Variants in PDLIM5 observed in about 807,000 individuals in gnomAD.
The protein encoded by PDLIM5 is PDZ and LIM domain 5, also known as PDZ and LIM domain protein 5.
In PDLIM5, 34 loss-of-function variants were observed where a neutral mutation model predicts 64.2. That is an observed-to-expected ratio of 0.53 (90% CI 0.40 to 0.71). The LOEUF is 0.71. Ranked by LOEUF, PDLIM5 falls within the 30% of genes least tolerant of loss-of-function variation. The pLI is 0.00. For synonymous variants in PDLIM5, 253 were observed against 269.1 expected (o/e 0.94, Z 0.59); for missense variants, 683 against 733.6 (o/e 0.93, Z 0.80).
chr4:94,610,212 C>T, intron 7 of PDLIM5: 2 of 1,521,386 alleles, frequency 1.3e-6, no homozygotes, highest in Non-Finnish European at 1.8e-6. Context: ...GTTTTCGAAA[C>T]TTTTCTACCT....
chr4:94,566,356 T>C (rs1312424437), intron 3 of PDLIM5, among the ~76,000 whole-genome samples: 1 of 152,240 alleles, frequency 6.6e-6, no homozygotes, highest in East Asian at 1.9e-4. Context: ...TGATATTTTC[T>C]TGCTTATCTC....
At chr4:94,552,688 A>G (rs1326877026) in intron 3 of PDLIM5, among the ~76,000 whole-genome samples, 1 of 152,180 alleles carries the variant, frequency 6.6e-6, no homozygotes, top group Non-Finnish European at 1.5e-5. Flanking sequence ...AAGCCCAAAT[A>G]TGACATTTTT....
intron 7 of PDLIM5, chr4:94,587,685 T>C (rs1050355171): frequency 2.0e-6 from 2 of 984,316 alleles, no homozygotes; most frequent in African/African-American, 1.7e-5. Context: ...CAGATTTGGC[T>C]CCTGAAAAAG....
In PDLIM5 at chr4:94,575,481, C is replaced by T. The variant is rs1019332820; in HGVS notation, c.292-135C>T. On this transcript the variant is annotated intron_variant, in intron 4 of 12. Transcript: ENST00000317968. ...TGCTTTATCAGCCCATTGTTTTTAT[C>T]TGGAAACATGATGTTTGAGCTGCTA... The T allele has an allele frequency of 3.0e-5, 19 of 623,064 alleles. No individual in the cohort carries two copies. In the African/African-American group the frequency reaches 3.1e-4, roughly 10 times the overall value. 38.6% of individuals were successfully genotyped at this position (623,064 alleles called of 1,614,324 possible).
intron 2 of PDLIM5, among the ~76,000 whole-genome samples, chr4:94,478,335 G>A (rs922955168): frequency 2.0e-5 from 3 of 151,644 alleles, no homozygotes; most frequent in Middle Eastern, 3.4e-3. Flanking sequence ...TATGTTACCA[G>A]TAAGGCTTCT....
intron 9 of PDLIM5, among the ~76,000 whole-genome samples, chr4:94,642,650 A>G (rs532422601): frequency 1.3e-5 from 2 of 152,352 alleles, no homozygotes; most frequent in South Asian, 4.1e-4. Flanking sequence ...ATCATGTAAC[A>G]GTAATTAACA....
intron 2 of PDLIM5, among the ~76,000 whole-genome samples, chr4:94,497,940 G>A (rs756845148): frequency 2.0e-5 from 3 of 152,152 alleles, no homozygotes; most frequent in Non-Finnish European, 4.4e-5. Context: ...CTGTTTGTAA[G>A]GGAAGTTTTA....
chr4:94,612,252 A>G (rs1221661425), intron 7 of PDLIM5, among the ~76,000 whole-genome samples: 1 of 152,130 alleles, frequency 6.6e-6, no homozygotes, highest in Admixed American at 6.6e-5. Context: ...AACAAACAAA[A>G]AATATATATA....
In PDLIM5 at chr4:94,575,772, T is replaced by C; in HGVS notation, c.448T>C (p.Phe150Leu). The change falls in exon 5 of 13, where the codon TTC becomes CTC. Residue 150 changes from phenylalanine to leucine, a missense_variant. Coordinates refer to ENST00000317968, the MANE Select transcript of PDLIM5 (RefSeq NM_006457.5). ...VTSIPSPSSA[F>L]TPAHATTSSH... ...ATCCATCCCATCACCATCGTCTGCCTTCACCCCAGCCCATGCGACCACCTC... is the reference window on the plus strand; with the variant it reads ...ATCCATCCCATCACCATCGTCTGCCCTCACCCCAGCCCATGCGACCACCTC... The C allele has an allele frequency of 1.2e-6, 2 of 1,614,136 alleles. No individual in the cohort carries two copies. The highest frequency in any genetic ancestry group is 2.2e-5 in the East Asian group (1 of 44,886).
At chr4:94,598,817 T>TA (rs1737264569) in intron 7 of PDLIM5, among the ~76,000 whole-genome samples, 1 of 151,982 alleles carries the variant, frequency 6.6e-6, no homozygotes. Context: ...AGACTCTAGT[T>TA]AGAGAAAAAG....
intron 3 of PDLIM5, among the ~76,000 whole-genome samples, chr4:94,560,007 G>A (rs1278893581): frequency 2.0e-5 from 3 of 152,188 alleles, no homozygotes; most frequent in Non-Finnish European, 4.4e-5. Context: ...TGGCCAGCCC[G>A]TGACTGTTTC....
chr4:94,590,657 T>A (rs1446325940), intron 7 of PDLIM5, among the ~76,000 whole-genome samples: 1 of 151,684 alleles, frequency 6.6e-6, no homozygotes, highest in Admixed American at 6.6e-5. Context: ...GGAAAAGGAG[T>A]CAGCCGTGTG....
chr4:94,567,458 AC>A (rs1258654494), intron 3 of PDLIM5, among the ~76,000 whole-genome samples: 1 of 152,072 alleles, frequency 6.6e-6, no homozygotes, highest in African/African-American at 2.4e-5. Flanking sequence ...GTAATTACTT[AC>A]CATTGGACCT....
intron 10 of PDLIM5, among the ~76,000 whole-genome samples, chr4:94,655,311 G>A (rs1218661276): frequency 6.6e-6 from 1 of 152,042 alleles, no homozygotes; most frequent in East Asian, 1.9e-4. Context: ...GATAAAGTAA[G>A]GGTCAGGCAT....
chr4:94,540,190 G>T (rs1024112584), intron 3 of PDLIM5, among the ~76,000 whole-genome samples: 3 of 151,304 alleles, frequency 2.0e-5, no homozygotes, highest in Admixed American at 1.3e-4. Context: ...GAGTGCAGTG[G>T]CGCGATCTCG....
intron 11 of PDLIM5, 143 bp from the exon 12 acceptor site, chr4:94,662,279 C>T: frequency 2.0e-6 from 1 of 490,124 alleles, no homozygotes; most frequent in Non-Finnish European, 3.7e-6. Context: ...AAATGTTATG[C>T]CATCTCCTGA....
chr4:94,581,932 T>A (rs1031037301), intron 5 of PDLIM5, among the ~76,000 whole-genome samples: 5 of 152,200 alleles, frequency 3.3e-5, no homozygotes, highest in Non-Finnish European at 5.9e-5. Context: ...GCAATAATTA[T>A]ATCACTGATA....
At chr4:94,479,558 T>C (rs758077444) in intron 2 of PDLIM5, among the ~76,000 whole-genome samples, 1 of 151,878 alleles carries the variant, frequency 6.6e-6, no homozygotes, top group Non-Finnish European at 1.5e-5. Flanking sequence ...CTCAAACTGC[T>C]GAGCTCCAGC....
intron 9 of PDLIM5, among the ~76,000 whole-genome samples, chr4:94,646,753 A>G (rs1055853082): frequency 6.6e-6 from 1 of 152,182 alleles, no homozygotes; most frequent in Non-Finnish European, 1.5e-5. Context: ...GAAAACTTCT[A>G]TGCAAGTTAC....
Sources: gnomAD v4.1 joint callset for allele counts (sites outside exome capture counted in the v4.1 genomes callset) on GRCh38, gnomAD v4.1.1 for gene constraint, MANE v1.5 for transcripts, NCBI Gene and HGNC (gene_info 2026-07-23, HGNC 2026-07-21) for gene names.